The following KDM2B variants were observed in gnomAD, a reference collection of about 807,000 sequenced individuals.
KDM2B encodes the protein lysine demethylase 2B, also known as lysine-specific demethylase 2B.
In KDM2B, 26 loss-of-function variants were observed where a neutral mutation model predicts 150.0. The ratio of observed to expected loss-of-function variants is 0.17; its 90% CI spans 0.13 to 0.24. KDM2B has a LOEUF of 0.24. KDM2B is among the 10% of genes least tolerant of loss of function. The pLI is 1.00. For missense variants in KDM2B, 1,265 were observed against 1,816.9 expected, an observed-to-expected ratio of 0.70 and a Z score of 5.52; for synonymous variants, 734 against 729.5, an observed-to-expected ratio of 1.01 and a Z score of -0.10.
At chr12:121,516,496 C>A (rs781991943) in intron 9 of KDM2B, 1 of 1,382,432 alleles carries the variant, frequency 7.2e-7, no homozygotes, top group South Asian at 1.3e-5. Context: ...CCACCCTTCG[C>A]CTTCAAAAGG....
At position 121,442,396 on chromosome 12, in the gene KDM2B, G is replaced by A; in HGVS notation, c.3045C>T (p.Ser1015=). The change falls in exon 19 of 23, where the codon AGC becomes AGT. Residue 1015 remains serine, a synonymous_variant. Coordinates refer to ENST00000377071, the MANE Select transcript of KDM2B (RefSeq NM_032590.5). The surrounding 1 kb of genome is among the most constrained non-coding windows in gnomAD (Gnocchi z 7.7). ...AGATGACACGGGGCGGGCTGCGCAG[G>A]CTGGGCCCCAGCTGGTGCCGCAGCT... ...PRELRHQLGP[S]LRSPPRVISR... 2 of 1,595,642 alleles carry A rather than the reference G, an allele frequency of 1.3e-6. No homozygotes were observed. Among genetic ancestry groups the A allele is most frequent in the East Asian group, 2.3e-5 (1 of 44,318 alleles).
rs373816632 is a variant in KDM2B at position 121,575,988 on chromosome 12, T to C, written c.272-129A>G. 4.4e-6 allele frequency: 3 copies of C among 684,656 alleles called. No homozygotes were observed. The highest frequency in any genetic ancestry group is 3.6e-5 in the African/African-American group (2 of 56,296). 42.4% of individuals were successfully genotyped at this position (684,656 alleles called of 1,614,324 possible). On this transcript the variant is annotated intron_variant, in intron 2 of 22. Transcript: ENST00000377071. This position sits in a 1 kb window ranked among gnomAD's most constrained non-coding sequence, Gnocchi z 4.4. ...GGGTCCAGGAGATGCAGGCACCAGCTGTACAGCAAAAGCTCCTTGGAAAAT... is the reference window on the plus strand; with the variant it reads ...GGGTCCAGGAGATGCAGGCACCAGCCGTACAGCAAAAGCTCCTTGGAAAAT...
At chr12:121,529,767 T>C (rs888747664) in intron 8 of KDM2B, among the ~76,000 whole-genome samples, 1 of 151,370 alleles carries the variant, frequency 6.6e-6, no homozygotes, top group Non-Finnish European at 1.5e-5. Flanking sequence ...CCGTTGCTAC[T>C]AAAAATACAA....
intron 11 of KDM2B, among the ~76,000 whole-genome samples, chr12:121,503,587 C>T (rs926939893): frequency 6.6e-6 from 1 of 152,036 alleles, no homozygotes; most frequent in African/African-American, 2.4e-5. Flanking sequence ...GCTGGGATTA[C>T]AGGTGTGAGT....
chr12:121,560,072 A>G (rs1215800547), intron 4 of KDM2B, among the ~76,000 whole-genome samples: 1 of 152,096 alleles, frequency 6.6e-6, no homozygotes, highest in Admixed American at 6.6e-5. Context: ...TGGTGCCATC[A>G]TGGTTCCCTG....
chr12:121,495,542 C>G (rs1883840603), intron 11 of KDM2B, among the ~76,000 whole-genome samples: 1 of 152,322 alleles, frequency 6.6e-6, no homozygotes, highest in Middle Eastern at 3.4e-3. Context: ...TCGAGGAATC[C>G]TCCCTCCTTA....
At chr12:121,514,335 T>G (rs1555304542) in intron 9 of KDM2B, among the ~76,000 whole-genome samples, 2 of 152,074 alleles carry the variant, frequency 1.3e-5, no homozygotes, top group South Asian at 4.1e-4. Flanking sequence ...TGGTTGGCTG[T>G]TTATCATAGA....
At chr12:121,525,778 G>T (rs1045026986) in intron 8 of KDM2B, among the ~76,000 whole-genome samples, 3 of 152,214 alleles carry the variant, frequency 2.0e-5, no homozygotes, top group Admixed American at 6.5e-5. Context: ...TTGCTGGAGT[G>T]TAAGAAATAC....
the KDM2B span, among the ~76,000 whole-genome samples, chr12:121,421,381 A>AAC: frequency 6.9e-6 from 1 of 144,628 alleles, no homozygotes; most frequent in East Asian, 2.0e-4. Flanking sequence ...TAAAAAAAAA[A>AAC]AAAAAAAAAA....
intron 7 of KDM2B, among the ~76,000 whole-genome samples, chr12:121,534,290 A>G (rs1887913721): frequency 6.6e-6 from 1 of 151,686 alleles, no homozygotes; most frequent in Non-Finnish European, 1.5e-5. Context: ...CAGAGCTTGC[A>G]GTGAGCCGAG....
chr12:121,568,261 A>C (rs979992296), intron 4 of KDM2B, among the ~76,000 whole-genome samples: 9 of 152,058 alleles, frequency 5.9e-5, no homozygotes, highest in Admixed American at 3.9e-4. Flanking sequence ...TTGGGCTCAG[A>C]AATTTGAGAC....
At position 121,453,337 on chromosome 12, in the gene KDM2B, G is replaced by T. The variant is rs782669880; in HGVS notation, c.1742C>A (p.Ala581Asp). Residue 581 changes from alanine (A) to aspartate (D), a missense_variant, in exon 13 of 23, where the codon GCT becomes GAT. Around this residue, in one of 11 missense-constraint regions of KDM2B, gnomAD observed 69 missense variants for 85.7 expected, o/e 0.81. Transcript: ENST00000377071. The surrounding 1 kb of genome is among the most constrained non-coding windows in gnomAD (Gnocchi z 6.4). Reference protein sequence around the residue: ...TWPKKTPKNRAVGRPKGKLGP... With the variant: ...TWPKKTPKNRDVGRPKGKLGP... ...CAGCTTCCCCTTGGGCCGACCCACA[G>T]CCCGGTTCTGCAGGGGAACAGACAC... The T allele has an allele frequency of 1.8e-5, 29 of 1,573,542 alleles. No individual in the cohort carries two copies. The highest frequency in any genetic ancestry group is 2.3e-5 in the Non-Finnish European group (27 of 1,159,232).
At chr12:121,486,963 A>AC (rs374979806) in intron 12 of KDM2B, among the ~76,000 whole-genome samples, 376 of 151,254 alleles carry the variant, frequency 2.5e-3, no homozygotes, top group Non-Finnish European at 4.4e-3. Context: ...ACATAGTGAG[A>AC]CCCCCCCGAT....
intron 4 of KDM2B, among the ~76,000 whole-genome samples, chr12:121,567,827 C>G (rs1946154037): frequency 6.7e-6 from 1 of 149,662 alleles, no homozygotes; most frequent in Non-Finnish European, 1.5e-5. Flanking sequence ...TCTCCGGGTT[C>G]AAGCAATTCT....
At position 121,440,892 on chromosome 12, in the gene KDM2B, C is replaced by G. The variant is rs782293783; in HGVS notation, c.3534G>C (p.Leu1178=). The change falls in exon 21 of 23, where the codon CTG becomes CTC. Residue 1178 remains leucine, a synonymous_variant. Coordinates refer to ENST00000377071, the MANE Select transcript of KDM2B (RefSeq NM_032590.5). The part of the protein sequence containing the change: ...CSSSCPLLRT[L]DVQWVEGLKD... The stretch of plus-strand genomic sequence containing the variant: ...TTAGTCCCTCCACCCACTGGACATC[C>G]AGGGTCCGGAGCAGCGGACAACTGG... 4 of 1,614,074 alleles carry G rather than the reference C, an allele frequency of 2.5e-6. No homozygotes were observed. In the East Asian group the frequency reaches 6.7e-5, roughly 27 times the overall value.
At chr12:121,562,122 A>C (rs1456879020) in intron 4 of KDM2B, among the ~76,000 whole-genome samples, 1 of 150,980 alleles carries the variant, frequency 6.6e-6, no homozygotes, top group Non-Finnish European at 1.5e-5. Context: ...GCGAGCCGAG[A>C]TCAAGCCACT....
In KDM2B at chr12:121,430,275, A is replaced by G; in HGVS notation, c.*13T>C. On this transcript the variant is annotated 3_prime_UTR_variant, in exon 23 of 23. Transcript: ENST00000377071. The surrounding 1 kb of genome is among the most constrained non-coding windows in gnomAD (Gnocchi z 4.4). ...CCCAGAGCCCGCCCCGTATTTACAT[A>G]CTTATCCTTGGACTAACTCAGTTTT... The G allele has an allele frequency of 6.2e-7, 1 of 1,614,064 alleles. No homozygotes were observed. Among genetic ancestry groups the G allele is most frequent in the Non-Finnish European group, 8.5e-7 (1 of 1,180,016 alleles).
At position 121,521,306 on chromosome 12, in the gene KDM2B, G is replaced by A. The variant is rs1256297334; in HGVS notation, c.932-206C>T. On this transcript the variant is annotated intron_variant, in intron 8 of 22. Transcript: ENST00000377071. This position sits in a 1 kb window ranked among gnomAD's most constrained non-coding sequence, Gnocchi z 4.9. Reference sequence around the variant, plus strand: ...CGAGAGGACTCAGACTTGCAGCCTCGAGCAGCCACTGTCTGGCTCAAGTCA... The same window carrying A: ...CGAGAGGACTCAGACTTGCAGCCTCAAGCAGCCACTGTCTGGCTCAAGTCA... 1.3e-5 allele frequency among the ~76,000 whole-genome samples: 2 copies of A among 152,086 alleles called. No individual in the cohort carries two copies. Among genetic ancestry groups the A allele is most frequent in the Non-Finnish European group, 2.9e-5 (2 of 68,016 alleles).
intron 2 of KDM2B, among the ~76,000 whole-genome samples, chr12:121,578,317 G>T (rs1043691243): frequency 1.3e-5 from 2 of 152,110 alleles, no homozygotes; most frequent in Non-Finnish European, 2.9e-5. Context: ...CACCCGACGC[G>T]CCCCCATCAC....
Sources: allele counts gnomAD v4.1 joint callset (sites outside exome capture counted in the v4.1 genomes callset), GRCh38; gene constraint gnomAD v4.1.1; regional missense constraint gnomAD v4.1.1; non-coding constraint Gnocchi (gnomAD v3.1); transcripts MANE v1.5; gene names NCBI Gene and HGNC (gene_info 2026-07-23, HGNC 2026-07-21).